Variants in DIPK1A observed in about 807,000 individuals in gnomAD.
The protein encoded by DIPK1A is family with sequence similarity 69 member A.
DIPK1A carries 27 observed loss-of-function variants against 40.8 expected under a neutral mutation model. The observed-to-expected ratio is 0.66, with a 90% CI of 0.49 to 0.91. DIPK1A has a LOEUF of 0.91. Ranked by LOEUF, DIPK1A falls within the 40% of genes least tolerant of loss-of-function variation. DIPK1A has a pLI of 0.00. For synonymous variants in DIPK1A, 166 were observed against 171.3 expected, an observed-to-expected ratio of 0.97 and a Z score of 0.24; for missense variants, 412 against 505.7, an observed-to-expected ratio of 0.81 and a Z score of 1.78.
At chr1:92,847,449 G>GAACAA in intron 3 of DIPK1A, 90 bp from the exon 4 acceptor site, 2 of 748,594 alleles carry the variant, frequency 2.7e-6, no homozygotes, top group South Asian at 9.0e-5. Flanking sequence ...CTCCTCCTCT[G>GAACAA]AACAAAACAA....
At chr1:92,887,453 A>G (rs1434251306) in intron 1 of DIPK1A, among the ~76,000 whole-genome samples, 1 of 151,876 alleles carries the variant, frequency 6.6e-6, no homozygotes, top group African/African-American at 2.4e-5. Context: ...AAAGGAAAGA[A>G]AAAGAAAACT....
At chr1:92,957,079 C>A (rs150224012) in intron 1 of DIPK1A, among the ~76,000 whole-genome samples, 112 of 152,298 alleles carry the variant, frequency 7.4e-4, no homozygotes, top group African/African-American at 2.6e-3. Context: ...TCTTTCAGGA[C>A]TTAACGATGG....
chr1:92,923,769 A>G (rs1650368265), intron 1 of DIPK1A, among the ~76,000 whole-genome samples: 1 of 152,224 alleles, frequency 6.6e-6, no homozygotes, highest in African/African-American at 2.4e-5. Flanking sequence ...GTTGATGAGC[A>G]TAACTTCTAA....
intron 2 of DIPK1A, among the ~76,000 whole-genome samples, chr1:92,868,206 A>G (rs1412075504): frequency 1.3e-5 from 2 of 152,238 alleles, no homozygotes; most frequent in African/African-American, 4.8e-5. Context: ...CACAAGAAAA[A>G]GTGAGGCTGG....
intron 4 of DIPK1A, among the ~76,000 whole-genome samples, chr1:92,844,802 T>C (rs1000832512): frequency 2.6e-5 from 4 of 152,214 alleles, no homozygotes; most frequent in African/African-American, 9.6e-5. Flanking sequence ...ATAATGAAGA[T>C]TAAAAAGTAT....
chr1:92,933,592 G>A, intron 1 of DIPK1A: 1 of 152,220 alleles, frequency 6.6e-6, no homozygotes, highest in Non-Finnish European at 1.5e-5. Context: ...GATATCTTGG[G>A]CAAGAATAAT....
chr1:92,870,781 A>G (rs1252899820), intron 2 of DIPK1A, among the ~76,000 whole-genome samples: 2 of 152,180 alleles, frequency 1.3e-5, no homozygotes, highest in Non-Finnish European at 2.9e-5. Context: ...GCTCAAGGTC[A>G]TATCTCCTTG....
At chr1:92,903,821 C>A (rs915996902) in intron 1 of DIPK1A, among the ~76,000 whole-genome samples, 4 of 152,198 alleles carry the variant, frequency 2.6e-5, no homozygotes, top group African/African-American at 9.7e-5. Context: ...TGGCCTTAAA[C>A]TGCCCATCTA....
At chr1:92,959,521 G>A (rs1651977572) in intron 1 of DIPK1A, among the ~76,000 whole-genome samples, 1 of 141,152 alleles carries the variant, frequency 7.1e-6, no homozygotes, top group African/African-American at 2.6e-5. Context: ...GCACGATCAC[G>A]GCTCACCACA....
At chr1:92,860,160 A>G (rs1316636032) in intron 2 of DIPK1A, among the ~76,000 whole-genome samples, 1 of 152,188 alleles carries the variant, frequency 6.6e-6, no homozygotes, top group South Asian at 2.1e-4. Context: ...AGTTGAGGCT[A>G]TAATCTTTAC....
In DIPK1A at chr1:92,890,247, T is replaced by C. The variant is rs551122649; in HGVS notation, c.55-13817A>G. Among the ~76,000 whole-genome samples the C allele has an allele frequency of 1.2e-4, 19 of 152,288 alleles. No homozygotes were observed. In the East Asian group the frequency reaches 3.5e-3, roughly 28 times the overall value. On this transcript the variant is annotated intron_variant, in intron 1 of 4. Transcript: ENST00000370310. ...TTTTAGAGTTTTCTATATATAAGAT[T>C]ATGTCTTTTGCAAACAGGGACAATG...
chr1:92,864,042 C>T (rs1320434011), intron 2 of DIPK1A, among the ~76,000 whole-genome samples: 1 of 151,670 alleles, frequency 6.6e-6, no homozygotes, highest in African/African-American at 2.4e-5. Flanking sequence ...GGTGACACAG[C>T]GAGACTCCAT....
intron 1 of DIPK1A, among the ~76,000 whole-genome samples, chr1:92,951,056 T>C (rs751645050): frequency 2.6e-5 from 4 of 152,188 alleles, no homozygotes; most frequent in Non-Finnish European, 4.4e-5. Context: ...AGTACTGCTG[T>C]GAAGGAGGGA....
chr1:92,891,548 A>G (rs1648879461), intron 1 of DIPK1A, among the ~76,000 whole-genome samples: 1 of 152,172 alleles, frequency 6.6e-6, no homozygotes. Context: ...ATGGCCGAAT[A>G]GGAACAGCTC....
chr1:92,886,383 A>G (rs1019503651), intron 1 of DIPK1A, among the ~76,000 whole-genome samples: 1 of 151,978 alleles, frequency 6.6e-6, no homozygotes, highest in Admixed American at 6.6e-5. Context: ...ACAGGGTGTC[A>G]CTATGTTACC....
intron 2 of DIPK1A, among the ~76,000 whole-genome samples, chr1:92,868,065 T>C (rs1439490680): frequency 1.3e-5 from 2 of 152,188 alleles, no homozygotes; most frequent in East Asian, 3.8e-4. Context: ...TCAGGTTAAT[T>C]GGTTCAATTC....
intron 4 of DIPK1A, chr1:92,834,970 T>A: frequency 2.5e-6 from 4 of 1,598,434 alleles, no homozygotes; most frequent in Non-Finnish European, 2.5e-6. Flanking sequence ...TGGAGAGTTT[T>A]CTGCAAGATG....
chr1:92,902,542 G>A (rs1370799608), intron 1 of DIPK1A, among the ~76,000 whole-genome samples: 1 of 152,200 alleles, frequency 6.6e-6, no homozygotes, highest in African/African-American at 2.4e-5. Flanking sequence ...TCTATAGGGA[G>A]ACCATAGCTA....
intron 4 of DIPK1A, among the ~76,000 whole-genome samples, chr1:92,846,835 ATATATATGTGTG>A (rs1173153220): frequency 1.4e-3 from 6 of 4,202 alleles, no homozygotes; most frequent in Non-Finnish European, 1.6e-3. Context: ...ATATATATAT[ATATATATGTGTG>A]TATATATATA....
Sources: allele counts gnomAD v4.1 joint callset (sites outside exome capture counted in the v4.1 genomes callset), GRCh38; gene constraint gnomAD v4.1.1; transcripts MANE v1.5; gene names NCBI Gene and HGNC (gene_info 2026-07-23, HGNC 2026-07-21).